GRAMD4: variants seen among roughly 807,000 people sequenced by gnomAD.
GRAMD4 encodes GRAM domain containing 4, also known as GRAM domain-containing protein 4.
A neutral mutation model predicts 83.9 loss-of-function variants in GRAMD4; 25 were observed. That is an observed-to-expected ratio of 0.30 (90% CI 0.22 to 0.42). The LOEUF is 0.42. Among genes scored for constraint, GRAMD4 ranks in the 10% least tolerant of loss-of-function variants. GRAMD4 has a pLI of 1.00. For synonymous variants in GRAMD4, 336 were observed against 320.9 expected (o/e 1.05, Z -0.50); for missense variants, 593 against 788.7 (o/e 0.75, Z 2.97).
intron 1 of GRAMD4, among the ~76,000 whole-genome samples, chr22:46,578,997 C>G (rs1220067935): frequency 6.6e-6 from 1 of 152,254 alleles, no homozygotes; most frequent in Admixed American, 6.5e-5. Context: ...CTCTGCTGCT[C>G]TTTCCTCTCA....
intron 2 of GRAMD4, among the ~76,000 whole-genome samples, chr22:46,630,979 G>A (rs1212406315): frequency 2.0e-5 from 3 of 151,714 alleles, no homozygotes; most frequent in Admixed American, 6.6e-5. Flanking sequence ...TAGCTCCCTC[G>A]AGGGCCATGT....
intron 17 of GRAMD4, 35 bp from the exon 18 acceptor site, chr22:46,676,565 G>C (rs1051024688): frequency 6.5e-7 from 1 of 1,540,502 alleles, no homozygotes; most frequent in African/African-American, 1.4e-5. Context: ...GTCCCCAGGA[G>C]AGACCTGTGG....
At chr22:46,609,568 C>A (rs576829653) in intron 1 of GRAMD4, among the ~76,000 whole-genome samples, 1 of 152,360 alleles carries the variant, frequency 6.6e-6, no homozygotes, top group East Asian at 1.9e-4. Flanking sequence ...CCAGGAACTT[C>A]TGTAAAATCC....
At chr22:46,593,033 A>G (rs1273189162) in intron 1 of GRAMD4, among the ~76,000 whole-genome samples, 2 of 151,938 alleles carry the variant, frequency 1.3e-5, no homozygotes, top group East Asian at 3.9e-4. Context: ...CAGAAAAGAA[A>G]GCATTTGAAC....
intron 1 of GRAMD4, among the ~76,000 whole-genome samples, chr22:46,577,933 T>G (rs899772624): frequency 7.2e-5 from 11 of 152,244 alleles, no homozygotes; most frequent in Admixed American, 6.5e-4. Context: ...GCCCCACATG[T>G]CTAGAGCAGG....
rs556897278 is a variant in GRAMD4, at chr22:46,662,674, G to T, written c.467-366G>T. Among the ~76,000 whole-genome samples, 3 of 152,342 alleles carry T rather than the reference G, an allele frequency of 2.0e-5. No homozygotes were observed. In the South Asian group the frequency reaches 6.2e-4, roughly 32 times the overall value. On this transcript the variant is annotated intron_variant, in intron 5 of 18. Transcript: ENST00000406902. ...CAACCCGGAGGTAGAAAGGGGGTTT[G>T]ATGCAGACGTCTGAGGTGGGCCGAG...
intron 1 of GRAMD4, among the ~76,000 whole-genome samples, chr22:46,604,216 T>G (rs1486225148): frequency 6.6e-6 from 1 of 152,220 alleles, no homozygotes; most frequent in Non-Finnish European, 1.5e-5. Flanking sequence ...TCAGTCCGGC[T>G]TTTCAGAATT....
At chr22:46,624,078 G>A (rs540037217) in intron 1 of GRAMD4, among the ~76,000 whole-genome samples, 36 of 151,770 alleles carry the variant, frequency 2.4e-4, no homozygotes, top group African/African-American at 8.0e-4. Flanking sequence ...CACCGCACCT[G>A]GCCTAGTCAA....
At chr22:46,616,164 T>G, upstream of GRAMD4, among the ~76,000 whole-genome samples, 1 of 125,258 alleles carries the variant, frequency 8.0e-6, no homozygotes. Flanking sequence ...GTGTGTAGGT[T>G]CCCCTGTGTG....
chr22:46,660,632 G>A (rs12157805), intron 4 of GRAMD4, among the ~76,000 whole-genome samples: 5,706 of 152,268 alleles, frequency 0.037, 333 homozygotes, highest in African/African-American at 0.13. Context: ...CTTGTCAGTA[G>A]GCAGAGATTC....
chr22:46,644,281 ATGTTACACCTGTCCCTGTTCCG>A lies in GRAMD4; in HGVS notation c.283+6333_283+6354del, dbSNP rs1569284774. On this transcript the variant is annotated intron_variant, in intron 3 of 18. Transcript: ENST00000406902. ...TCCGTATTACATCTGTCCCTGTTCC[ATGTTACACCTGTCCCTGTTCCG>A]TGTTACACCTGCCCCTGTTCCGTGT... Among the ~76,000 whole-genome samples the A allele has an allele frequency of 9.5e-5, 14 of 147,828 alleles. No individual in the cohort carries two copies. In the South Asian group the frequency reaches 2.8e-3, roughly 30 times the overall value.
intron 1 of GRAMD4, among the ~76,000 whole-genome samples, chr22:46,580,882 G>A (rs1287331601): frequency 6.7e-6 from 1 of 149,600 alleles, no homozygotes; most frequent in African/African-American, 2.5e-5. Flanking sequence ...CAGGAGAATC[G>A]CTTGAACCCG....
At chr22:46,636,141 T>A (rs1028679497) in intron 2 of GRAMD4, among the ~76,000 whole-genome samples, 8 of 152,194 alleles carry the variant, frequency 5.3e-5, no homozygotes, top group Non-Finnish European at 1.0e-4. Flanking sequence ...CCCAGACCCA[T>A]GTCTCCAGCG....
chr22:46,578,011 T>C (rs2081061922), intron 1 of GRAMD4, among the ~76,000 whole-genome samples: 1 of 152,204 alleles, frequency 6.6e-6, no homozygotes, highest in South Asian at 2.1e-4. Context: ...CCGGGTGGGC[T>C]GGTGCCCCTG....
intron 1 of GRAMD4, among the ~76,000 whole-genome samples, chr22:46,592,885 C>A (rs1227161507): frequency 2.0e-5 from 3 of 152,150 alleles, no homozygotes; most frequent in Admixed American, 6.5e-5. Flanking sequence ...GCCTATATGA[C>A]CTATTTATGA....
upstream of GRAMD4, among the ~76,000 whole-genome samples, chr22:46,616,484 C>T (rs186997418): frequency 6.3e-5 from 3 of 47,880 alleles, no homozygotes; most frequent in Admixed American, 2.6e-4. Flanking sequence ...CTGTGCGTGT[C>T]GGTTCCCCCG....
chr22:46,672,957 C>T lies in GRAMD4; in HGVS notation c.1199C>T (p.Pro400Leu), dbSNP rs368573910. 1.3e-5 allele frequency: 21 copies of T among 1,609,392 alleles called. No individual in the cohort carries two copies. Among genetic ancestry groups the T allele is most frequent in the Non-Finnish European group, 1.8e-5 (21 of 1,179,548 alleles). Reference sequence around the variant, plus strand: ...ATCTGGAGGAGTCTCCCCACCGACCCGCAGCTCAAGGAGCGCTCCAGCGCC... The same window carrying T: ...ATCTGGAGGAGTCTCCCCACCGACCTGCAGCTCAAGGAGCGCTCCAGCGCC... The part of the protein sequence containing the change: ...YIIWRSLPTD[P>L]QLKERSSAAV... Residue 400 changes from proline (P) to leucine (L), a missense_variant, in exon 14 of 19, where the codon CCG (proline) becomes CTG (leucine). Around this residue, in one of 4 missense-constraint regions of GRAMD4, gnomAD observed 171 missense variants for 199.6 expected, o/e 0.86. Transcript: ENST00000406902. The surrounding 1 kb of genome is among the most constrained non-coding windows in gnomAD (Gnocchi z 4.7).
intron 2 of GRAMD4, among the ~76,000 whole-genome samples, chr22:46,636,926 C>T (rs868196052): frequency 1.4e-4 from 22 of 152,314 alleles, no homozygotes; most frequent in African/African-American, 5.3e-4. Context: ...GTGGAGCAGA[C>T]AGGATGACGA....
intron 1 of GRAMD4, among the ~76,000 whole-genome samples, chr22:46,607,605 C>A (rs1190861995): frequency 6.6e-6 from 1 of 152,200 alleles, no homozygotes; most frequent in Non-Finnish European, 1.5e-5. Flanking sequence ...TCCTGACATG[C>A]CTGCTTGGCT....
Sources: gnomAD v4.1 joint callset for allele counts (sites outside exome capture counted in the v4.1 genomes callset) on GRCh38, gnomAD v4.1.1 for gene constraint, gnomAD v4.1.1 regional missense constraint, Gnocchi (gnomAD v3.1) non-coding constraint, MANE v1.5 for transcripts, NCBI Gene and HGNC (gene_info 2026-07-23, HGNC 2026-07-21) for gene names.